SLC66A2: variants seen among roughly 807,000 people sequenced by gnomAD.
SLC66A2 encodes the protein solute carrier family 66 member 2, also known as PQ loop repeat containing 1.
SLC66A2 carries 23 observed loss-of-function variants against 25.5 expected under a neutral mutation model. The observed-to-expected ratio is 0.90, with a 90% CI of 0.65 to 1.28. SLC66A2 has a LOEUF of 1.28. Ranked by LOEUF, SLC66A2 falls within the 50% of genes most tolerant of loss-of-function variation. SLC66A2 has a pLI of 0.00. For synonymous variants in SLC66A2, 193 were observed against 166.5 expected, an observed-to-expected ratio of 1.16 and a Z score of -1.23; for missense variants, 396 against 373.1, an observed-to-expected ratio of 1.06 and a Z score of -0.51.
In SLC66A2 at chr18:79,917,541, G is replaced by A. The variant is rs1412021172; in HGVS notation, c.608+1643C>T. Among the ~76,000 whole-genome samples the A allele has an allele frequency of 6.6e-6, 1 of 152,098 alleles. No homozygotes were observed. Among genetic ancestry groups the A allele is most frequent in the Non-Finnish European group, 1.5e-5 (1 of 67,976 alleles). On this transcript the variant is annotated intron_variant, in intron 5 of 5. Transcript: ENST00000397778. The surrounding 1 kb of genome is among the most constrained non-coding windows in gnomAD (Gnocchi z 6.0). ...ACTGCCCACAGGATCTCCAGCTGTG[G>A]GGTGGCTGGGGACGCCACACTCCGC...
At chr18:79,935,237 G>A (rs7243921) in intron 3 of SLC66A2, 36,141 of 152,234 alleles carry the variant, frequency 0.24, 4,851 homozygotes, top group Middle Eastern at 0.32. Flanking sequence ...GCAGCCAGCC[G>A]GCAGGCTGGG....
rs1009169986 is a variant in SLC66A2, at chr18:79,917,310, G to A, written c.608+1874C>T. 1.3e-5 allele frequency among the ~76,000 whole-genome samples: 2 copies of A among 152,198 alleles called. No individual in the cohort carries two copies. Among genetic ancestry groups the A allele is most frequent in the African/African-American group, 4.8e-5 (2 of 41,454 alleles). ...GCTGAACAGCAAAACCTGCTACCCT[G>A]GAATCGAGAGCAACAGCTCCTGCCA... On this transcript the variant is annotated intron_variant, in intron 5 of 5. Transcript: ENST00000397778. The surrounding 1 kb of genome is among the most constrained non-coding windows in gnomAD (Gnocchi z 6.0).
chr18:79,943,634 C>A, intron 2 of SLC66A2, 172 bp from the exon 3 acceptor site: 1 of 702,726 alleles, frequency 1.4e-6, no homozygotes, highest in South Asian at 2.0e-5. Context: ...CATCGCCTCT[C>A]CCAGTCCCGA....
At chr18:79,948,964 C>T (rs1175975250) in intron 2 of SLC66A2, among the ~76,000 whole-genome samples, 2 of 152,192 alleles carry the variant, frequency 1.3e-5, no homozygotes, top group Non-Finnish European at 2.9e-5. Flanking sequence ...CCGCCAGCCA[C>T]GTCTCCAAAG....
intron 4 of SLC66A2, among the ~76,000 whole-genome samples, chr18:79,929,434 C>G (rs893838930): frequency 2.0e-5 from 3 of 152,210 alleles, no homozygotes; most frequent in African/African-American, 7.2e-5. Context: ...AACAAACAAG[C>G]AAACAGTAAG....
chr18:79,916,119 C>CCATGGCG (rs1240738652), intron 5 of SLC66A2, among the ~76,000 whole-genome samples: 62 of 118,060 alleles, frequency 5.3e-4, no homozygotes, highest in East Asian at 1.5e-3. Flanking sequence ...GCTCCCGTAC[C>CCATGGCG]CTCCCATACC....
chr18:79,943,911 C>A, intron 2 of SLC66A2: 1 of 170,676 alleles, frequency 5.9e-6, no homozygotes. Flanking sequence ...GAACCTGCAG[C>A]AGGAAAGACT....
At position 79,902,679 on chromosome 18, in the gene SLC66A2, C is replaced by G. The variant is rs768922748; in HGVS notation, c.*1297G>C. 1.3e-5 allele frequency: 2 copies of G among 152,352 alleles called. No individual in the cohort carries two copies. The highest frequency in any genetic ancestry group is 2.9e-5 in the Non-Finnish European group (2 of 68,068). 9.4% of individuals were successfully genotyped at this position (152,352 alleles called of 1,614,324 possible). A position where few individuals can be genotyped will look rare whatever the true frequency, so the allele number is the denominator to read the frequency against. ...GAACATCTTCCCATGGCCACGGCCC[C>G]GGCACAGAGCTCAGATGCCTGCGGG... is the stretch of plus-strand genomic sequence containing the variant. On this transcript the variant is annotated 3_prime_UTR_variant, in exon 6 of 6. Coordinates refer to ENST00000397778, the MANE Select transcript of SLC66A2 (RefSeq NM_025078.5).
chr18:79,927,572 G>A lies in SLC66A2; in HGVS notation c.391+6397C>T, dbSNP rs1335153216. The stretch of plus-strand genomic sequence containing the variant: ...TAATCCTGCCACCTGTGCAGCAGGC[G>A]GCAACAGGGACAGGCAGACGACACA... On this transcript the variant is annotated intron_variant, in intron 4 of 5. Transcript: ENST00000397778. The surrounding 1 kb of genome is among the most constrained non-coding windows in gnomAD (Gnocchi z 6.2). 3.3e-5 allele frequency among the ~76,000 whole-genome samples: 5 copies of A among 152,160 alleles called. No individual in the cohort carries two copies. Among genetic ancestry groups the A allele is most frequent in the African/African-American group, 9.7e-5 (4 of 41,436 alleles).
At chr18:79,908,520 G>A (rs1241514580) in intron 5 of SLC66A2, among the ~76,000 whole-genome samples, 1 of 151,968 alleles carries the variant, frequency 6.6e-6, no homozygotes, top group East Asian at 1.9e-4. Flanking sequence ...GATATGTTTG[G>A]GATTCACTGA....
At chr18:79,933,200 A>G (rs574639117) in intron 4 of SLC66A2, among the ~76,000 whole-genome samples, 2 of 152,216 alleles carry the variant, frequency 1.3e-5, no homozygotes, top group African/African-American at 2.4e-5. Context: ...TAAAACCCAC[A>G]TGATCATCTC....
At chr18:79,930,567 TCTC>T (rs1986468374) in intron 4 of SLC66A2, among the ~76,000 whole-genome samples, 1 of 152,168 alleles carries the variant, frequency 6.6e-6, no homozygotes, top group Non-Finnish European at 1.5e-5. Flanking sequence ...TCACATGTCT[TCTC>T]CTTTCCTCTC....
At position 79,919,396 on chromosome 18, in the gene SLC66A2, G is replaced by A. The variant is rs138426075; in HGVS notation, c.396C>T (p.Phe132=). ...TCCACTGCCAGAAGTGGTGGGGGTC[G>A]AAGTCTAGGGCGAGAGGGAGAAGCA... ...KVAPRRSFLD[F]DPHHFWQWSS... The change falls in exon 5 of 6, where the codon TTC becomes TTT. Residue 132 remains phenylalanine (F), a synonymous_variant. Coordinates refer to ENST00000397778, the MANE Select transcript of SLC66A2 (RefSeq NM_025078.5). 140 of 1,612,852 alleles carry A rather than the reference G, an allele frequency of 8.7e-5. No individual in the cohort carries two copies. The African/African-American group carries it at 1.3e-3, about 15-fold the overall frequency.
In SLC66A2 at chr18:79,940,103, C is replaced by T. The variant is rs1034477348; in HGVS notation, c.337+3226G>A. Among the ~76,000 whole-genome samples the T allele has an allele frequency of 1.1e-4, 17 of 152,140 alleles. No individual in the cohort carries two copies. The highest frequency in any genetic ancestry group is 4.1e-4 in the African/African-American group (17 of 41,410). ...GAGGAGCACAGATGGAGCTGGAGGC[C>T]ATCATCCTTAGCAAACTAACACGGG... On this transcript the variant is annotated intron_variant, in intron 3 of 5. Coordinates refer to ENST00000397778, the MANE Select transcript of SLC66A2 (RefSeq NM_025078.5). The surrounding 1 kb of genome is among the most constrained non-coding windows in gnomAD (Gnocchi z 4.1).
chr18:79,915,021 C>G (rs894487983), intron 5 of SLC66A2, among the ~76,000 whole-genome samples: 21 of 152,346 alleles, frequency 1.4e-4, no homozygotes, highest in Admixed American at 6.5e-4. Flanking sequence ...AAAGGCTGGG[C>G]CTGGAGTGGT....
intron 4 of SLC66A2, among the ~76,000 whole-genome samples, chr18:79,921,687 A>AC (rs1985207127): frequency 4.7e-5 from 2 of 42,624 alleles, no homozygotes; most frequent in Admixed American, 2.4e-4. Context: ...GTGGGGAGAG[A>AC]TGGAACCGAG....
rs186264599 is a variant in SLC66A2, at chr18:79,910,881, G to T, written c.609-6698C>A. 1.1e-3 allele frequency among the ~76,000 whole-genome samples: 171 copies of T among 152,368 alleles called. 1 individual carries two copies. The highest frequency in any genetic ancestry group is 3.2e-3 in the African/African-American group (133 of 41,590). On this transcript the variant is annotated intron_variant, in intron 5 of 5. Transcript: ENST00000397778. Reference sequence around the variant, plus strand: ...GTGAACAACTTTCAAACTATCTTCAGTGAAACAGTCAAAGCAAGCAACCCA... The same window carrying T: ...GTGAACAACTTTCAAACTATCTTCATTGAAACAGTCAAAGCAAGCAACCCA...
At position 79,903,816 on chromosome 18, in the gene SLC66A2, G is replaced by T; in HGVS notation, c.*160C>A. 1.0e-5 allele frequency: 6 copies of T among 580,842 alleles called. No individual in the cohort carries two copies. The highest frequency in any genetic ancestry group is 1.9e-5 in the African/African-American group (1 of 51,964). The allele number at this position is 580,842 out of a possible 1,614,324, so 36.0% of individuals were successfully genotyped here. ...ACAGCGTCCCAGCCCCACCCCCACT[G>T]CCCACCCTGAGACACCCCACAGAGG... On this transcript the variant is annotated 3_prime_UTR_variant, in exon 6 of 6. Transcript: ENST00000397778.
intron 2 of SLC66A2, among the ~76,000 whole-genome samples, chr18:79,947,009 T>C (rs1420170205): frequency 6.6e-6 from 1 of 152,128 alleles, no homozygotes; most frequent in Non-Finnish European, 1.5e-5. Context: ...TAGCTTTGTA[T>C]CTACTCTTAG....
Sources: allele counts gnomAD v4.1 joint callset (sites outside exome capture counted in the v4.1 genomes callset), GRCh38; gene constraint gnomAD v4.1.1; non-coding constraint Gnocchi (gnomAD v3.1); transcripts MANE v1.5; gene names NCBI Gene and HGNC (gene_info 2026-07-23, HGNC 2026-07-21).